The following UPP2 variants were observed in gnomAD, a reference collection of about 807,000 sequenced individuals.
UPP2 encodes UPase 2.
Under a neutral mutation model 26.7 loss-of-function variants are expected in UPP2, and 23 were observed. That is an observed-to-expected ratio of 0.86 (90% CI 0.62 to 1.22). The LOEUF (loss-of-function observed/expected upper bound fraction) is 1.22. UPP2 is among the 50% of genes most tolerant of loss of function. The pLI is 0.00. For synonymous variants in UPP2, 127 were observed against 141.3 expected (o/e 0.90, Z 0.72); for missense variants, 387 against 396.7 (o/e 0.98, Z 0.21).
At chr2:158,129,596 G>A (rs558506414) in intron 6 of UPP2, among the ~76,000 whole-genome samples, 1 of 151,276 alleles carries the variant, frequency 6.6e-6, no homozygotes, top group South Asian at 2.1e-4. Context: ...TCCATAAGGT[G>A]CAAAAAAGTA....
At chr2:158,037,843 G>T (rs1277445358) in intron 3 of UPP2, among the ~76,000 whole-genome samples, 3 of 150,694 alleles carry the variant, frequency 2.0e-5, no homozygotes, top group East Asian at 2.0e-4. Context: ...TGCATTTTTT[G>T]GGGGGTGGGG....
At chr2:158,082,205 C>T (rs1420423423) in intron 3 of UPP2, among the ~76,000 whole-genome samples, 1 of 152,100 alleles carries the variant, frequency 6.6e-6, no homozygotes, top group Admixed American at 6.6e-5. Flanking sequence ...CTGCCTTGGC[C>T]TCCCAAAGTG....
intron 2 of UPP2, among the ~76,000 whole-genome samples, chr2:158,001,390 G>A (rs991191505): frequency 6.6e-6 from 1 of 152,172 alleles, no homozygotes; most frequent in African/African-American, 2.4e-5. Flanking sequence ...CACCTGACAG[G>A]AGCAGGGATA....
At chr2:158,112,116 C>T (rs901993982) in intron 2 of UPP2, among the ~76,000 whole-genome samples, 2 of 152,000 alleles carry the variant, frequency 1.3e-5, no homozygotes, top group African/African-American at 4.8e-5. Context: ...TAATAAAATC[C>T]ACGTCAAAAT....
chr2:158,058,419 C>CTGTGTGTGTGTGTGTGTGTGTG (rs70990632), intron 3 of UPP2, among the ~76,000 whole-genome samples: 1,827 of 136,406 alleles, frequency 0.013, 62 homozygotes, highest in African/African-American at 0.034. Context: ...TCCCCCCAAC[C>CTGTGTGTGTGTGTGTGTGTGTG]TGTGTGTGTG....
intron 6 of UPP2, 44 bp from the exon 7 acceptor site, chr2:158,134,704 G>A (rs974517518): frequency 1.1e-5 from 17 of 1,548,252 alleles, no homozygotes; most frequent in Non-Finnish European, 1.4e-5. Context: ...CTATAGAAAA[G>A]ATGAACCCAT....
chr2:158,092,231 T>G (rs1682922743), intron 3 of UPP2, among the ~76,000 whole-genome samples: 1 of 151,936 alleles, frequency 6.6e-6, no homozygotes, highest in Non-Finnish European at 1.5e-5. Flanking sequence ...AACAGACAGG[T>G]TTTTTCATAA....
intron 3 of UPP2, among the ~76,000 whole-genome samples, chr2:158,031,513 A>G (rs1454911433): frequency 1.3e-5 from 2 of 152,162 alleles, no homozygotes; most frequent in African/African-American, 4.8e-5. Context: ...GGGATGGGTG[A>G]GGAGTGCAGA....
At chr2:158,088,216 T>A (rs962881643) in intron 3 of UPP2, among the ~76,000 whole-genome samples, 1 of 152,232 alleles carries the variant, frequency 6.6e-6, no homozygotes, top group African/African-American at 2.4e-5. Flanking sequence ...TGGATTGAGT[T>A]AATTTGAAAG....
chr2:158,110,453 T>C (rs968767504), intron 2 of UPP2, among the ~76,000 whole-genome samples: 1 of 152,190 alleles, frequency 6.6e-6, no homozygotes, highest in African/African-American at 2.4e-5. Flanking sequence ...GCAGTGAACA[T>C]ACATGTACAT....
At chr2:157,998,763 G>T (rs573924947) in intron 2 of UPP2, among the ~76,000 whole-genome samples, 1 of 152,050 alleles carries the variant, frequency 6.6e-6, no homozygotes, top group Non-Finnish European at 1.5e-5. Flanking sequence ...AGATTGCACC[G>T]CTGCACTGCC....
chr2:158,019,639 AACACACACACACACACACAC>A (rs57149695), intron 3 of UPP2, among the ~76,000 whole-genome samples: 30 of 141,196 alleles, frequency 2.1e-4, no homozygotes, highest in South Asian at 7.4e-4. Flanking sequence ...AATCCTTTAA[AACACACACACACACACACAC>A]ACACACACAC....
intron 2 of UPP2, among the ~76,000 whole-genome samples, chr2:158,108,640 T>C (rs1283237308): frequency 6.6e-6 from 1 of 151,750 alleles, no homozygotes; most frequent in African/African-American, 2.4e-5. Flanking sequence ...CACATAGTTG[T>C]CTCATCTCGG....
intron 2 of UPP2, among the ~76,000 whole-genome samples, chr2:158,001,868 G>T (rs1270326263): frequency 2.9e-5 from 4 of 139,454 alleles, no homozygotes; most frequent in Admixed American, 8.2e-5. Flanking sequence ...AGGAGGTTTT[G>T]TTCTTTAGTT....
intron 3 of UPP2, among the ~76,000 whole-genome samples, chr2:158,090,433 G>A (rs953842758): frequency 1.3e-5 from 2 of 152,014 alleles, no homozygotes; most frequent in African/African-American, 2.4e-5. Flanking sequence ...CCCGGGAGGC[G>A]GAGCTTGCAG....
intron 1 of UPP2, among the ~76,000 whole-genome samples, chr2:158,105,203 C>A (rs540363847): frequency 2.3e-4 from 35 of 152,176 alleles, no homozygotes; most frequent in African/African-American, 8.0e-4. Flanking sequence ...CCGAAAGCTA[C>A]AAATGATATG....
At chr2:158,003,561 A>G (rs1683441887) in intron 2 of UPP2, among the ~76,000 whole-genome samples, 1 of 152,068 alleles carries the variant, frequency 6.6e-6, no homozygotes, top group Non-Finnish European at 1.5e-5. Context: ...TACAAAAATT[A>G]GCCAGGTGTG....
intron 3 of UPP2, chr2:158,065,648 G>C: frequency 3.5e-6 from 2 of 577,646 alleles, no homozygotes; most frequent in Non-Finnish European, 6.6e-6. Flanking sequence ...CAAATTCGTA[G>C]AGGAACTTAA....
intron 3 of UPP2, among the ~76,000 whole-genome samples, chr2:158,072,000 T>C (rs1449341875): frequency 6.6e-6 from 1 of 152,044 alleles, no homozygotes; most frequent in Non-Finnish European, 1.5e-5. Flanking sequence ...TTGGCTACAG[T>C]AGAGTAGAAT....
Sources: gnomAD v4.1 joint callset for allele counts (sites outside exome capture counted in the v4.1 genomes callset) on GRCh38, gnomAD v4.1.1 for gene constraint, MANE v1.5 for transcripts, NCBI Gene and HGNC (gene_info 2026-07-23, HGNC 2026-07-21) for gene names.